The following TRAF2 variants were observed in gnomAD, a reference collection of about 807,000 sequenced individuals.
TRAF2 encodes TNF receptor-associated factor 2.
TRAF2 carries 6 observed loss-of-function variants against 55.6 expected under a neutral mutation model. That is an observed-to-expected ratio of 0.11 (90% CI 0.06 to 0.21). The LOEUF is 0.21. Ranked by LOEUF, TRAF2 falls within the 10% of genes least tolerant of loss-of-function variation. The pLI is 1.00. For missense variants in TRAF2, 561 were observed against 684.5 expected, an observed-to-expected ratio of 0.82 and a Z score of 2.01; for synonymous variants, 329 against 276.3, an observed-to-expected ratio of 1.19 and a Z score of -1.89.
At chr9:136,887,490 C>T (rs1849480219) in intron 1 of TRAF2, among the ~76,000 whole-genome samples, 1 of 152,078 alleles carries the variant, frequency 6.6e-6, no homozygotes, top group Non-Finnish European at 1.5e-5. Flanking sequence ...ACCAAGCCTC[C>T]ACTCGGTGTA....
chr9:136,888,203 A>G (rs1381454641), intron 1 of TRAF2, among the ~76,000 whole-genome samples: 1 of 152,132 alleles, frequency 6.6e-6, no homozygotes, highest in Non-Finnish European at 1.5e-5. Context: ...AACTTCTAGT[A>G]TTTGGAGGGC....
In TRAF2 at chr9:136,916,413, C is replaced by T. The variant is rs190615224; in HGVS notation, c.604-128C>T. On this transcript the variant is annotated intron_variant, in intron 6 of 10. Transcript: ENST00000247668. Reference sequence around the variant, plus strand: ...TGGAAATGGGCTGTTGGGTTTCATTCAGTGTGAGAGTGAAGAGGCCAACGG... The same window carrying T: ...TGGAAATGGGCTGTTGGGTTTCATTTAGTGTGAGAGTGAAGAGGCCAACGG... The T allele has an allele frequency of 1.6e-5, 14 of 854,050 alleles. No homozygotes were observed. In the East Asian group the frequency reaches 3.5e-4, roughly 22 times the overall value. The allele number at this position is 854,050 out of a possible 1,614,324, so 52.9% of individuals were successfully genotyped here.
intron 1 of TRAF2, among the ~76,000 whole-genome samples, chr9:136,890,012 G>A (rs1490554092): frequency 1.9e-4 from 24 of 125,956 alleles, no homozygotes; most frequent in African/African-American, 6.9e-4. Context: ...CCGCACGCTC[G>A]TTCAGCCGGT....
At chr9:136,912,652 C>T (rs940283543) in intron 6 of TRAF2, among the ~76,000 whole-genome samples, 8 of 152,114 alleles carry the variant, frequency 5.3e-5, no homozygotes, top group African/African-American at 7.2e-5. Context: ...GCCTGGCCAA[C>T]GTGGTGAAAC....
upstream of TRAF2, among the ~76,000 whole-genome samples, chr9:136,885,879 C>A (rs758867198): frequency 2.6e-5 from 4 of 152,262 alleles, no homozygotes; most frequent in African/African-American, 9.6e-5. Flanking sequence ...AAAGGAGACC[C>A]CATAGCCTTA....
intron 1 of TRAF2, among the ~76,000 whole-genome samples, chr9:136,892,909 T>C (rs1849609967): frequency 6.6e-6 from 1 of 152,128 alleles, no homozygotes; most frequent in Non-Finnish European, 1.5e-5. Context: ...TAGTGGCTCA[T>C]GAAATCAATG....
At chr9:136,913,082 G>T (rs866170928) in intron 6 of TRAF2, among the ~76,000 whole-genome samples, 1 of 152,030 alleles carries the variant, frequency 6.6e-6, no homozygotes, top group Admixed American at 6.5e-5. Flanking sequence ...GGTTGCAGTC[G>T]CAGTGAGCCA....
intron 1 of TRAF2, among the ~76,000 whole-genome samples, chr9:136,892,259 C>A (rs1331270483): frequency 6.6e-6 from 1 of 151,576 alleles, no homozygotes; most frequent in Non-Finnish European, 1.5e-5. Flanking sequence ...GTCAGGAGAT[C>A]GAGACCATCC....
intron 1 of TRAF2, among the ~76,000 whole-genome samples, chr9:136,887,485 G>A (rs1262381666): frequency 6.6e-6 from 1 of 152,098 alleles, no homozygotes; most frequent in Non-Finnish European, 1.5e-5. Context: ...AGAGCACCAA[G>A]CCTCCACTCG....
chr9:136,922,968 G>A (rs1381965235), intron 9 of TRAF2, among the ~76,000 whole-genome samples: 3 of 152,012 alleles, frequency 2.0e-5, no homozygotes, highest in Non-Finnish European at 4.4e-5. Context: ...GCACGCGGTG[G>A]AGGACGAGGA....
chr9:136,920,011 C>T (rs888327806), intron 7 of TRAF2, among the ~76,000 whole-genome samples: 2 of 152,214 alleles, frequency 1.3e-5, no homozygotes, highest in South Asian at 4.1e-4. Context: ...AGCTACTGTG[C>T]CTGGCTGCAA....
chr9:136,916,636 T>G (rs1361829404), intron 7 of TRAF2, 21 bp downstream of exon 7: 6 of 1,612,020 alleles, frequency 3.7e-6, no homozygotes, highest in Non-Finnish European at 5.1e-6. Flanking sequence ...GGGTCTGAGG[T>G]TGGGGGCCAC....
At chr9:136,892,013 C>T (rs17250078) in intron 1 of TRAF2, among the ~76,000 whole-genome samples, 1,538 of 151,906 alleles carry the variant, frequency 0.01, 27 homozygotes, top group African/African-American at 0.036. Flanking sequence ...CCACCGTGCC[C>T]GGCCCATTCT....
At chr9:136,906,594 G>C (rs1341160508) in intron 4 of TRAF2, among the ~76,000 whole-genome samples, 1 of 152,116 alleles carries the variant, frequency 6.6e-6, no homozygotes, top group Non-Finnish European at 1.5e-5. Context: ...ATGAGATTTG[G>C]GTGGGGACAC....
At chr9:136,920,197 G>A (rs1850350490) in intron 7 of TRAF2, 37 bp from the exon 8 acceptor site, 1 of 1,569,808 alleles carries the variant, frequency 6.4e-7, no homozygotes, top group Non-Finnish European at 8.6e-7. Flanking sequence ...GCCGAATGGT[G>A]GATGGAGCCA....
At chr9:136,921,302 C>T (rs1850379160) in intron 9 of TRAF2, 87 bp downstream of exon 9, 1 of 1,538,660 alleles carries the variant, frequency 6.5e-7, no homozygotes, top group Non-Finnish European at 8.9e-7. Flanking sequence ...TAGGATGGCT[C>T]CCAAGGGTGG....
In TRAF2 at chr9:136,900,762, C is replaced by CCCTCT. The variant is rs555190933; in HGVS notation, c.366+244_366+248dup. On this transcript the variant is annotated intron_variant, in intron 4 of 10. Coordinates refer to ENST00000247668, the MANE Select transcript of TRAF2 (RefSeq NM_021138.4). ...TGTGTGACCTCGGGCGAGGTATTTA[C>CCCTCT]CCTCTCTGTGCCTCAGGTTTCTTGT... 1.6e-3 allele frequency: 799 copies of CCCTCT among 494,246 alleles called. 6 individuals carry two copies. Among genetic ancestry groups the CCCTCT allele is most frequent in the African/African-American group, 0.014 (720 of 51,124 alleles). The allele number at this position is 494,246 out of a possible 1,614,324, so 30.6% of individuals were successfully genotyped here.
In TRAF2 at chr9:136,925,933, C is replaced by A; in HGVS notation, c.*32C>A. 1 of 1,610,598 alleles carries A rather than the reference C, an allele frequency of 6.2e-7. No individual in the cohort carries two copies. Among genetic ancestry groups the A allele is most frequent in the African/African-American group, 1.3e-5 (1 of 74,988 alleles). ...CCTACTGGTGTCTGGGGGTTGGGGGCAGCCAGGCACAGCCGGCTCACGGAG... is the reference window on the plus strand; with the variant it reads ...CCTACTGGTGTCTGGGGGTTGGGGGAAGCCAGGCACAGCCGGCTCACGGAG... On this transcript the variant is annotated 3_prime_UTR_variant, in exon 11 of 11. Coordinates refer to ENST00000247668, the MANE Select transcript of TRAF2 (RefSeq NM_021138.4).
At chr9:136,892,709 G>A (rs1397821612) in intron 1 of TRAF2, among the ~76,000 whole-genome samples, 1 of 151,874 alleles carries the variant, frequency 6.6e-6, no homozygotes, top group Non-Finnish European at 1.5e-5. Flanking sequence ...GTGAAACCCT[G>A]TCTCTACTAA....
Sources: allele counts gnomAD v4.1 joint callset (sites outside exome capture counted in the v4.1 genomes callset), GRCh38; gene constraint gnomAD v4.1.1; transcripts MANE v1.5; gene names NCBI Gene and HGNC (gene_info 2026-07-23, HGNC 2026-07-21).